Variants in DHRSX observed in about 807,000 individuals in gnomAD.
DHRSX encodes the protein polyprenol dehydrogenase.
DHRSX carries 31 observed loss-of-function variants against 34.0 expected under a neutral mutation model. That is an observed-to-expected ratio of 0.91 (90% CI 0.69 to 1.23). DHRSX has a LOEUF of 1.23. Ranked by LOEUF, DHRSX falls within the 50% of genes most tolerant of loss-of-function variation. The pLI, the probability that DHRSX is intolerant of heterozygous loss-of-function variation, is 0.00. For missense variants in DHRSX, 414 were observed against 428.1 expected (o/e 0.97, Z 0.29); for synonymous variants, 201 against 183.8 (o/e 1.09, Z -0.76).
intron 6 of DHRSX, among the ~76,000 whole-genome samples, chrX:2,227,133 G>C (rs990600978): frequency 9.9e-5 from 15 of 152,048 alleles, no homozygotes; most frequent in African/African-American, 3.6e-4. Context: ...ATCTGTACAT[G>C]CCAGGCAGTG....
chrX:2,490,909 T>C, intron 1 of DHRSX: 1 of 717,248 alleles, frequency 1.4e-6, no homozygotes, highest in Admixed American at 2.9e-5. Flanking sequence ...TGGACCTTCC[T>C]TGCGGGTCAC....
At chrX:2,298,601 TACAC>T (rs747078260) in intron 3 of DHRSX, among the ~76,000 whole-genome samples, 4,960 of 131,592 alleles carry the variant, frequency 0.038, 182 homozygotes, top group South Asian at 0.063. Context: ...GGCGCGTGTG[TACAC>T]ACACACACAC....
intron 1 of DHRSX, among the ~76,000 whole-genome samples, chrX:2,484,085 C>T (rs1239912750): frequency 6.6e-6 from 1 of 152,196 alleles, no homozygotes; most frequent in East Asian, 1.9e-4. Context: ...ACGCGATTCT[C>T]CTGCCTCAGC....
chrX:2,277,126 G>A (rs866733918), intron 4 of DHRSX, among the ~76,000 whole-genome samples: 96 of 47,658 alleles, frequency 2.0e-3, no homozygotes, highest in South Asian at 7.2e-3. Context: ...GCAAACGAGA[G>A]AGGGAGAGAG....
At chrX:2,269,224 T>A (rs1348861062) in intron 4 of DHRSX, among the ~76,000 whole-genome samples, 1 of 152,270 alleles carries the variant, frequency 6.6e-6, no homozygotes, top group Non-Finnish European at 1.5e-5. Flanking sequence ...CCTATGCATA[T>A]GCATTTGTAT....
At position 2,266,636 on chromosome X, in the gene DHRSX, G is replaced by C. The variant is rs969531977; in HGVS notation, c.596+104C>G. The C allele has an allele frequency of 4.9e-5, 57 of 1,155,234 alleles. No homozygotes were observed. The African/African-American group carries it at 8.5e-4, about 17-fold the overall frequency. The allele number at this position is 1,155,234 out of a possible 1,614,324, so 71.6% of individuals were successfully genotyped here. A position where few individuals can be genotyped will look rare whatever the true frequency, so the allele number is the denominator to read the frequency against. ...AGGGAGCACTGTTCCCAGAGCACCA[G>C]CGTCCAGCAGATGCAGGGAGCGCCA... On this transcript the variant is annotated intron_variant, in intron 5 of 6. Transcript: ENST00000334651.
rs192448231 is a variant in DHRSX at position 2,484,739 on chromosome X, T to C, written c.109+16078A>G. ...AAAGGACGGGGCGGCGGGCCTGAGA[T>C]CACAGAGGGGAAAACAGTAGAACTG... On this transcript the variant is annotated intron_variant, in intron 1 of 6. Coordinates refer to ENST00000334651, the MANE Select transcript of DHRSX (RefSeq NM_145177.3). Among the ~76,000 whole-genome samples the C allele has an allele frequency of 2.5e-3, 385 of 152,024 alleles. 1 individual carries two copies. The highest frequency in any genetic ancestry group is 4.1e-3 in the Non-Finnish European group (281 of 67,962).
At chrX:2,425,448 G>A (rs2043832747) in intron 1 of DHRSX, 144 bp from the exon 2 acceptor site, 1 of 719,518 alleles carries the variant, frequency 1.4e-6, no homozygotes, top group Non-Finnish European at 2.4e-6. Flanking sequence ...AATTCCCACA[G>A]GCTCAGGAGG....
chrX:2,352,020 T>C (rs1338026641), intron 3 of DHRSX, among the ~76,000 whole-genome samples: 1 of 152,044 alleles, frequency 6.6e-6, no homozygotes, highest in Non-Finnish European at 1.5e-5. Context: ...GTGCCCAGCC[T>C]GGAACATTTG....
In DHRSX at chrX:2,301,576, T is replaced by C. The variant is rs541789835; in HGVS notation, c.287-9973A>G. The stretch of plus-strand genomic sequence containing the variant: ...GCCATGACATGCCATCCTGCAGCAT[T>C]CTGGTCTTTGTATGATCACGGCTGG... On this transcript the variant is annotated intron_variant, in intron 3 of 6. Coordinates refer to ENST00000334651, the MANE Select transcript of DHRSX (RefSeq NM_145177.3). 9.2e-4 allele frequency among the ~76,000 whole-genome samples: 140 copies of C among 152,232 alleles called. 1 individual carries two copies. Among genetic ancestry groups the C allele is most frequent in the African/African-American group, 3.2e-3 (134 of 41,518 alleles).
rs2042021944 is a variant in DHRSX at position 2,302,333 on chromosome X, C to T, written c.287-10730G>A. Among the ~76,000 whole-genome samples, 6 of 152,124 alleles carry T rather than the reference C, an allele frequency of 3.9e-5. No individual in the cohort carries two copies. In the South Asian group the frequency reaches 1.0e-3, roughly 26 times the overall value. ...CCTTAGAGAAATACAGTTGGGTGGG[C>T]AGGTGCAGTGGCTCACACCTGTTAT... On this transcript the variant is annotated intron_variant, in intron 3 of 6. Transcript: ENST00000334651.
intron 1 of DHRSX, among the ~76,000 whole-genome samples, chrX:2,499,045 G>T (rs2045349080): frequency 6.6e-6 from 1 of 152,154 alleles, no homozygotes; most frequent in Admixed American, 6.5e-5. Flanking sequence ...TTTTTCTCTG[G>T]CTAGAGGCGG....
chrX:2,442,900 T>C (rs1281492304), intron 1 of DHRSX, among the ~76,000 whole-genome samples: 1 of 152,196 alleles, frequency 6.6e-6, no homozygotes, highest in Non-Finnish European at 1.5e-5. Context: ...CAATGCACCA[T>C]CTGTCACCAG....
chrX:2,439,806 G>A (rs1378824635), intron 1 of DHRSX, among the ~76,000 whole-genome samples: 1 of 152,048 alleles, frequency 6.6e-6, no homozygotes, highest in Non-Finnish European at 1.5e-5. Context: ...TCTCATAGGA[G>A]GCAGAGCTCA....
Position 2,356,269 on chromosome X carries a change from C to T in DHRSX, c.286+52476G>A, listed in dbSNP as rs149127703. Among the ~76,000 whole-genome samples the T allele has an allele frequency of 4.7e-3, 711 of 151,240 alleles. 6 individuals are homozygous for T. Among genetic ancestry groups the T allele is most frequent in the African/African-American group, 0.016 (650 of 41,184 alleles). On this transcript the variant is annotated intron_variant, in intron 3 of 6. Coordinates refer to ENST00000334651, the MANE Select transcript of DHRSX (RefSeq NM_145177.3). ...GGGCACCTGTAATCCCAGCTACTCA[C>T]GAGGCTGAGGCAGGAGAATTGCTTC... is the stretch of plus-strand genomic sequence containing the variant.
intron 3 of DHRSX, among the ~76,000 whole-genome samples, chrX:2,382,503 A>G (rs763479414): frequency 4.3e-4 from 63 of 147,596 alleles, no homozygotes; most frequent in African/African-American, 1.6e-3. Flanking sequence ...CATCATTACC[A>G]TCATCACCAT....
intron 2 of DHRSX, among the ~76,000 whole-genome samples, chrX:2,424,377 C>G (rs966092440): frequency 6.6e-6 from 1 of 152,032 alleles, no homozygotes; most frequent in Non-Finnish European, 1.5e-5. Flanking sequence ...GAGGGACGAC[C>G]CTGTGAGGAC....
At chrX:2,232,905 C>T (rs1465617901) in intron 6 of DHRSX, among the ~76,000 whole-genome samples, 1 of 152,038 alleles carries the variant, frequency 6.6e-6, no homozygotes, top group African/African-American at 2.4e-5. Context: ...CTCCCAGAGG[C>T]TGCTGGTCTC....
At chrX:2,408,282 G>T (rs1184675337) in intron 3 of DHRSX, among the ~76,000 whole-genome samples, 1 of 151,858 alleles carries the variant, frequency 6.6e-6, no homozygotes, top group East Asian at 1.9e-4. Context: ...CACCATGTTG[G>T]CCAGGCTGGT....
Sources: allele counts gnomAD v4.1 joint callset (sites outside exome capture counted in the v4.1 genomes callset), GRCh38; gene constraint gnomAD v4.1.1; transcripts MANE v1.5; gene names NCBI Gene and HGNC (gene_info 2026-07-23, HGNC 2026-07-21).